Variants in RBFOX3 observed in about 807,000 individuals in gnomAD.
The protein encoded by RBFOX3 is RNA binding protein fox-1 homolog 3.
Under a neutral mutation model 48.7 loss-of-function variants are expected in RBFOX3, and 17 were observed. The ratio of observed to expected loss-of-function variants is 0.35; its 90% confidence interval spans 0.24 to 0.52. The LOEUF (loss-of-function observed/expected upper bound fraction) is 0.52. Among genes scored for constraint, RBFOX3 ranks in the 20% least tolerant of loss-of-function variants. The pLI, the probability that RBFOX3 is intolerant of heterozygous loss-of-function variation, is 0.94. For synonymous variants in RBFOX3, 212 were observed against 209.5 expected (o/e 1.01, Z -0.10); for missense variants, 382 against 497.5 (o/e 0.77, Z 2.21).
At chr17:79,400,742 G>A (rs912405878) in intron 2 of RBFOX3, among the ~76,000 whole-genome samples, 4 of 152,240 alleles carry the variant, frequency 2.6e-5, no homozygotes, top group Admixed American at 6.5e-5. Context: ...TGACTGAGAG[G>A]TGGGAGCTGG....
chr17:79,189,150 G>T (rs2053990813), intron 4 of RBFOX3, among the ~76,000 whole-genome samples: 1 of 152,236 alleles, frequency 6.6e-6, no homozygotes, highest in South Asian at 2.1e-4. Context: ...ATTGCTAACT[G>T]TAACAATACC....
chr17:79,184,348 C>T (rs2052954658), intron 4 of RBFOX3, among the ~76,000 whole-genome samples: 1 of 152,220 alleles, frequency 6.6e-6, no homozygotes, highest in African/African-American at 2.4e-5. Context: ...TGTACCCAGA[C>T]ACACTGGACT....
chr17:79,207,625 G>T (rs913271418), intron 4 of RBFOX3, among the ~76,000 whole-genome samples: 5 of 152,236 alleles, frequency 3.3e-5, no homozygotes, highest in African/African-American at 1.2e-4. Flanking sequence ...CAAGCTCCAG[G>T]AACAGGAAAC....
In RBFOX3 at chr17:79,503,146, G is replaced by T. The variant is rs1413158526; in HGVS notation, c.-319-20548C>A. Among the ~76,000 whole-genome samples the T allele has an allele frequency of 2.6e-5, 4 of 152,136 alleles. No individual in the cohort carries two copies. The East Asian group carries it at 7.7e-4, about 29-fold the overall frequency. ...GCTCCCTGGTGTCTCCTGCTATAAGGGCACTGATCCCATCACAACGGCCCC... is the reference window on the plus strand; with the variant it reads ...GCTCCCTGGTGTCTCCTGCTATAAGTGCACTGATCCCATCACAACGGCCCC... On this transcript the variant is annotated intron_variant, in intron 1 of 14. Coordinates refer to ENST00000693108, the MANE Select transcript of RBFOX3 (RefSeq NM_001350451.2).
chr17:79,487,428 C>T (rs546575892), intron 1 of RBFOX3, among the ~76,000 whole-genome samples: 4 of 152,190 alleles, frequency 2.6e-5, no homozygotes, highest in South Asian at 2.1e-4. Flanking sequence ...GCAAGGGACA[C>T]GCACAGCTAG....
At chr17:79,224,389 G>A (rs2060084499) in intron 4 of RBFOX3, among the ~76,000 whole-genome samples, 1 of 152,228 alleles carries the variant, frequency 6.6e-6, no homozygotes, top group Non-Finnish European at 1.5e-5. Flanking sequence ...CCACAGGCCA[G>A]CCCTTGAGCT....
At chr17:79,128,237 G>A (rs892570317) in intron 4 of RBFOX3, among the ~76,000 whole-genome samples, 4 of 152,206 alleles carry the variant, frequency 2.6e-5, no homozygotes, top group Non-Finnish European at 4.4e-5. Context: ...TGAAGGCTGG[G>A]CACGTCCTCC....
chr17:79,427,427 C>T (rs571896589), intron 2 of RBFOX3, among the ~76,000 whole-genome samples: 1 of 152,346 alleles, frequency 6.6e-6, no homozygotes, highest in Non-Finnish European at 1.5e-5. Flanking sequence ...CCTTCCCGGG[C>T]TGTGCCTGCT....
intron 2 of RBFOX3, among the ~76,000 whole-genome samples, chr17:79,353,221 C>T (rs1437459987): frequency 6.6e-6 from 1 of 152,206 alleles, no homozygotes; most frequent in African/African-American, 2.4e-5. Context: ...GACACTGGTG[C>T]GCAAGTGTGT....
chr17:79,276,519 C>G (rs2068864346), intron 3 of RBFOX3, among the ~76,000 whole-genome samples: 1 of 152,122 alleles, frequency 6.6e-6, no homozygotes, highest in Non-Finnish European at 1.5e-5. Context: ...AACCCCATCT[C>G]TACTAAAAAT....
chr17:79,207,296 C>A (rs183866929), intron 4 of RBFOX3, among the ~76,000 whole-genome samples: 56 of 152,350 alleles, frequency 3.7e-4, no homozygotes, highest in African/African-American at 1.3e-3. Context: ...CCCATGTCAC[C>A]AGGACAGGTA....
chr17:79,148,776 C>T (rs546914720), intron 4 of RBFOX3, among the ~76,000 whole-genome samples: 16 of 152,352 alleles, frequency 1.1e-4, no homozygotes, highest in South Asian at 4.1e-4. Flanking sequence ...AGGCCGACCC[C>T]GCCGGGGCTC....
chr17:79,620,402 C>G, the RBFOX3 span, among the ~76,000 whole-genome samples: 1 of 150,652 alleles, frequency 6.6e-6, no homozygotes, highest in Non-Finnish European at 1.5e-5. Flanking sequence ...TGCCCACATG[C>G]ACACACACGG....
At chr17:79,620,640 C>T in the RBFOX3 span, among the ~76,000 whole-genome samples, 68 of 27,158 alleles carry the variant, frequency 2.5e-3, no homozygotes, top group Admixed American at 5.7e-3. Flanking sequence ...CACGCACACG[C>T]ACACACACGG....
At chr17:79,573,811 G>A (rs1599192022) in intron 1 of RBFOX3, among the ~76,000 whole-genome samples, 1 of 152,176 alleles carries the variant, frequency 6.6e-6, no homozygotes, top group African/African-American at 2.4e-5. Context: ...GAATCTGCCC[G>A]GTGGGGGGAG....
intron 2 of RBFOX3, among the ~76,000 whole-genome samples, chr17:79,450,261 A>G (rs1034137261): frequency 2.0e-4 from 31 of 152,216 alleles, no homozygotes; most frequent in African/African-American, 7.2e-5. Flanking sequence ...AAAAGAGGCC[A>G]TTTCCAATTT....
At chr17:79,400,321 C>T (rs945993220) in intron 2 of RBFOX3, among the ~76,000 whole-genome samples, 1 of 152,144 alleles carries the variant, frequency 6.6e-6, no homozygotes, top group Non-Finnish European at 1.5e-5. Context: ...TGGAGCCACC[C>T]GAGGGGCTCC....
chr17:79,138,928 C>T (rs1466396443), intron 4 of RBFOX3, among the ~76,000 whole-genome samples: 7 of 127,492 alleles, frequency 5.5e-5, no homozygotes, highest in African/African-American at 2.0e-4. Flanking sequence ...ACGCACACAG[C>T]ACATGCATTC....
intron 5 of RBFOX3, among the ~76,000 whole-genome samples, chr17:79,108,261 G>A (rs1003828317): frequency 6.6e-6 from 1 of 152,228 alleles, no homozygotes; most frequent in Admixed American, 6.5e-5. Context: ...GGAGACTGGG[G>A]TCCCTTAGAG....
Sources: allele counts gnomAD v4.1 joint callset (sites outside exome capture counted in the v4.1 genomes callset), GRCh38; gene constraint gnomAD v4.1.1; transcripts MANE v1.5; gene names NCBI Gene and HGNC (gene_info 2026-07-23, HGNC 2026-07-21).